Variants in TMEM154 observed in about 807,000 individuals in gnomAD.
The protein encoded by TMEM154 is transmembrane protein 154.
TMEM154 carries 27 observed loss-of-function variants against 24.5 expected under a neutral mutation model. The ratio of observed to expected loss-of-function variants is 1.10; its 90% CI spans 0.81 to 1.52. The LOEUF is 1.52. TMEM154 is among the 40% of genes most tolerant of loss of function. The pLI is 0.00. For synonymous variants in TMEM154, 67 were observed against 76.8 expected (o/e 0.87, Z 0.67); for missense variants, 228 against 213.4 (o/e 1.07, Z -0.43).
rs565135787 is a variant in TMEM154 at position 152,645,032 on chromosome 4, C to T, written c.365-590G>A. Among the ~76,000 whole-genome samples, 31 of 152,292 alleles carry T rather than the reference C, an allele frequency of 2.0e-4. No homozygotes were observed. The South Asian group carries it at 6.4e-3, about 32-fold the overall frequency. Reference sequence around the variant, plus strand: ...CCCACCTACTCTATTTAAAGAAGGGCCCATCTTTCCTGTTGCTCCCCAGCT... The same window carrying T: ...CCCACCTACTCTATTTAAAGAAGGGTCCATCTTTCCTGTTGCTCCCCAGCT... On this transcript the variant is annotated intron_variant, in intron 3 of 6. Transcript: ENST00000304385.
At position 152,643,502 on chromosome 4, in the gene TMEM154, G is replaced by A. The variant is rs151093040; in HGVS notation, c.393-329C>T. 7.3e-3 allele frequency among the ~76,000 whole-genome samples: 1,109 copies of A among 152,300 alleles called. 25 individuals are homozygous for A. Among genetic ancestry groups the A allele is most frequent in the Admixed American group, 0.038 (586 of 15,292 alleles). On this transcript the variant is annotated intron_variant, in intron 4 of 6. Transcript: ENST00000304385. ...AAGGCTCCCAGGGTGAGGCCCTTCC[G>A]GGGAGTTGCCATATGAAGCATTTTA...
intron 6 of TMEM154, among the ~76,000 whole-genome samples, chr4:152,636,546 T>C (rs1189163150): frequency 2.6e-5 from 4 of 152,248 alleles, no homozygotes; most frequent in African/African-American, 9.6e-5. Context: ...TCGGATTCCA[T>C]AGCTCAGGAA....
chr4:152,652,412 A>T, intron 3 of TMEM154, 126 bp downstream of exon 3: 1 of 1,426,226 alleles, frequency 7.0e-7, no homozygotes, highest in Non-Finnish European at 9.3e-7. Flanking sequence ...CTTCTGGAAA[A>T]TTTCATTGAA....
chr4:152,633,944 C>T (rs1232336652), intron 6 of TMEM154, among the ~76,000 whole-genome samples: 3 of 148,812 alleles, frequency 2.0e-5, no homozygotes, highest in Non-Finnish European at 4.4e-5. Flanking sequence ...GGGAGGGTTG[C>T]CTGAGACTGA....
intron 5 of TMEM154, among the ~76,000 whole-genome samples, chr4:152,642,621 A>T (rs1446998659): frequency 6.6e-6 from 1 of 152,118 alleles, no homozygotes; most frequent in Admixed American, 6.5e-5. Flanking sequence ...TAAACACTCA[A>T]TATTTTTTAA....
intron 6 of TMEM154, among the ~76,000 whole-genome samples, chr4:152,632,420 C>G (rs1361200366): frequency 6.6e-6 from 1 of 152,192 alleles, no homozygotes; most frequent in Middle Eastern, 3.2e-3. Context: ...TGTGAAGTCC[C>G]CACCCTTATT....
chr4:152,671,868 T>C (rs1728847307), intron 1 of TMEM154, among the ~76,000 whole-genome samples: 1 of 150,920 alleles, frequency 6.6e-6, no homozygotes, highest in Non-Finnish European at 1.5e-5. Flanking sequence ...CCCTGTGACA[T>C]GTCCAGGGAA....
chr4:152,674,473 T>TC (rs961203302), intron 1 of TMEM154, among the ~76,000 whole-genome samples: 1 of 152,164 alleles, frequency 6.6e-6, no homozygotes, highest in African/African-American at 2.4e-5. Context: ...TTGAGGGCAA[T>TC]CAGTTCAGTC....
chr4:152,646,991 G>T, intron 3 of TMEM154: 2 of 711,500 alleles, frequency 2.8e-6, no homozygotes, highest in Non-Finnish European at 5.1e-6. Flanking sequence ...ATACCAGGAG[G>T]TCTAGGAAGA....
chr4:152,643,033 C>T, intron 5 of TMEM154, 55 bp downstream of exon 5: 7 of 1,293,888 alleles, frequency 5.4e-6, no homozygotes. Flanking sequence ...AAAGCTGTTG[C>T]AGCCTTCTGT....
intron 6 of TMEM154, among the ~76,000 whole-genome samples, chr4:152,630,327 A>AAAG: frequency 6.6e-6 from 1 of 151,706 alleles, no homozygotes; most frequent in South Asian, 2.1e-4. Context: ...AAAAAAAAAA[A>AAAG]AAGACAAACC....
Position 152,628,192 on chromosome 4 carries a change from A to G in TMEM154, c.*354T>C, listed in dbSNP as rs1751950795. 3.4e-6 allele frequency: 1 copy of G among 293,838 alleles called. No homozygotes were observed. The highest frequency in any genetic ancestry group is 4.8e-5 in the Admixed American group (1 of 21,036). 18.2% of individuals were successfully genotyped at this position (293,838 alleles called of 1,614,324 possible). On this transcript the variant is annotated 3_prime_UTR_variant, in exon 7 of 7. Transcript: ENST00000304385. Reference sequence around the variant, plus strand: ...ATTTAGGCCCTAAGGAATGAAGCAGAAAGGTGACGAACATTTATCATGACC... The same window carrying G: ...ATTTAGGCCCTAAGGAATGAAGCAGGAAGGTGACGAACATTTATCATGACC...
intron 1 of TMEM154, chr4:152,668,332 C>T (rs989188432): frequency 2.6e-5 from 4 of 151,166 alleles, no homozygotes; most frequent in African/African-American, 9.7e-5. Context: ...ATCGTTATTG[C>T]CAAACTGAAT....
chr4:152,651,297 C>T (rs1263634010), intron 3 of TMEM154, among the ~76,000 whole-genome samples: 4 of 151,856 alleles, frequency 2.6e-5, no homozygotes, highest in African/African-American at 4.8e-5. Flanking sequence ...AGATTACAGG[C>T]GTGAGCCACC....
Position 152,647,389 on chromosome 4 carries a change from GT to G in TMEM154, c.365-2948del, listed in dbSNP as rs1256479582. On this transcript the variant is annotated intron_variant, in intron 3 of 6. Coordinates refer to ENST00000304385, the MANE Select transcript of TMEM154 (RefSeq NM_152680.3). ...TGCTTTTATTAACTTTTAGCATTCAGTTTTTCTGAAAAGTTGTCCATCTGTT... is the reference window on the plus strand; with the variant it reads ...TGCTTTTATTAACTTTTAGCATTCAGTTTTCTGAAAAGTTGTCCATCTGTT... 10 of 957,070 alleles carry G rather than the reference GT, an allele frequency of 1.0e-5. 1 individual carries two copies. Among genetic ancestry groups the G allele is most frequent in the African/African-American group, 1.8e-5 (1 of 56,504 alleles). The allele number at this position is 957,070 out of a possible 1,614,324, so 59.3% of individuals were successfully genotyped here.
At chr4:152,659,452 A>G (rs1728553883) in intron 1 of TMEM154, among the ~76,000 whole-genome samples, 1 of 152,234 alleles carries the variant, frequency 6.6e-6, no homozygotes, top group African/African-American at 2.4e-5. Flanking sequence ...GTCCAATAGT[A>G]GAGTAGGACG....
intron 3 of TMEM154, among the ~76,000 whole-genome samples, chr4:152,647,490 A>G (rs1579519092): frequency 6.6e-6 from 1 of 152,362 alleles, no homozygotes; most frequent in East Asian, 1.9e-4. Context: ...CTCTCCATCA[A>G]AAACTTTTGT....
chr4:152,638,373 C>G (rs1752188309), intron 6 of TMEM154, among the ~76,000 whole-genome samples: 1 of 152,194 alleles, frequency 6.6e-6, no homozygotes, highest in African/African-American at 2.4e-5. Flanking sequence ...CTGAAAGTCT[C>G]ATAGTAGATC....
chr4:152,668,478 C>T (rs200352611), intron 1 of TMEM154: 27 of 152,096 alleles, frequency 1.8e-4, no homozygotes, highest in African/African-American at 3.4e-4. Flanking sequence ...AGACATCTGC[C>T]GTCTCCCTGG....
Sources: gnomAD v4.1 joint callset for allele counts (sites outside exome capture counted in the v4.1 genomes callset) on GRCh38, gnomAD v4.1.1 for gene constraint, MANE v1.5 for transcripts, NCBI Gene and HGNC (gene_info 2026-07-23, HGNC 2026-07-21) for gene names.